The following LAMA1 variants were observed in gnomAD, a reference collection of about 807,000 sequenced individuals.
LAMA1 encodes the protein laminin subunit alpha-1.
LAMA1 carries 219 observed loss-of-function variants against 348.7 expected under a neutral mutation model. That is an observed-to-expected ratio of 0.63 (90% CI 0.56 to 0.70). The LOEUF is 0.70. LAMA1 is among the 30% of genes least tolerant of loss of function. The pLI, the probability that LAMA1 is intolerant of heterozygous loss-of-function variation, is 0.00. For missense variants in LAMA1, 3,744 were observed against 3,888.0 expected (o/e 0.96, Z 0.99); for synonymous variants, 1,487 against 1,491.0 (o/e 1.00, Z 0.06).
chr18:6,953,880 C>G (rs1378946908), intron 57 of LAMA1: 1 of 152,508 alleles, frequency 6.6e-6, no homozygotes, highest in Non-Finnish European at 1.5e-5. Context: ...CGGATGGGAT[C>G]CAGAGGACAA....
chr18:6,950,866 GCCCCCGTGCAGCT>G lies in LAMA1; in HGVS notation c.8300_8312del (p.Gln2767ProfsTer41). On this transcript the variant is annotated frameshift_variant, in exon 58 of 63. Coordinates refer to ENST00000389658, the MANE Select transcript of LAMA1 (RefSeq NM_005559.4). LOFTEE classifies it high-confidence loss of function. ...CAAGGTCAAACATGAAGTGGAGGCG[GCCCCCGTGCAGCT>G]GGAGCACAGCGTAGTCTGCTTGGTT... 1.2e-6 allele frequency: 2 copies of G among 1,614,136 alleles called. No individual in the cohort carries two copies. Among genetic ancestry groups the G allele is most frequent in the African/African-American group, 2.7e-5 (2 of 75,022 alleles).
intron 23 of LAMA1, among the ~76,000 whole-genome samples, chr18:7,012,961 A>G (rs2057868198): frequency 6.7e-6 from 1 of 148,520 alleles, no homozygotes; most frequent in African/African-American, 2.5e-5. Context: ...GGAGTTCGAG[A>G]CCAGCCTGGC....
chr18:7,063,980 A>G (rs916282233), intron 3 of LAMA1, among the ~76,000 whole-genome samples: 8 of 152,186 alleles, frequency 5.3e-5, no homozygotes, highest in African/African-American at 1.9e-4. Context: ...GTACACTTAA[A>G]AATGGTTAAA....
At chr18:7,000,819 G>A (rs545929203) in intron 30 of LAMA1, among the ~76,000 whole-genome samples, 9 of 152,188 alleles carry the variant, frequency 5.9e-5, no homozygotes, top group African/African-American at 1.9e-4. Flanking sequence ...TACCACTTCC[G>A]ACTCTTTTTC....
At chr18:7,059,801 T>C (rs989687726) in intron 3 of LAMA1, among the ~76,000 whole-genome samples, 6 of 152,182 alleles carry the variant, frequency 3.9e-5, no homozygotes, top group African/African-American at 1.4e-4. Flanking sequence ...GTTTTCTCTC[T>C]TGCATGAAGG....
At chr18:7,033,781 C>G (rs12604441) in intron 14 of LAMA1, among the ~76,000 whole-genome samples, 69,059 of 151,442 alleles carry the variant, frequency 0.46, 16,969 homozygotes, top group African/African-American at 0.65. Context: ...GCTGCCCCAG[C>G]TGGAGTGCAG....
At chr18:6,995,533 T>C (rs1428767301) in intron 33 of LAMA1, 87 bp from the exon 34 acceptor site, 3 of 784,938 alleles carry the variant, frequency 3.8e-6, no homozygotes, top group South Asian at 1.4e-5. Flanking sequence ...TTCTTTTTTG[T>C]TCACAGAAAG....
In LAMA1 at chr18:7,043,214, G is replaced by T; in HGVS notation, c.1155+13C>A. The T allele has an allele frequency of 6.2e-7, 1 of 1,613,874 alleles. No individual in the cohort carries two copies. ...GATGATGAAGATCAGCAATGGCAAA[G>T]AAATACTCTTACTTTGTGTGGTCTA... On this transcript the variant is annotated intron_variant, in intron 8 of 62. Coordinates refer to ENST00000389658, the MANE Select transcript of LAMA1 (RefSeq NM_005559.4).
chr18:6,996,851 T>C (rs143108298), intron 33 of LAMA1, among the ~76,000 whole-genome samples: 113 of 152,144 alleles, frequency 7.4e-4, no homozygotes, highest in African/African-American at 2.7e-3. Context: ...GTCTACTAAG[T>C]TAATTTCTTA....
Position 7,007,755 on chromosome 18 carries a change from A to G in LAMA1, c.4123-479T>C, listed in dbSNP as rs549458962. Among the ~76,000 whole-genome samples, 561 of 147,058 alleles carry G rather than the reference A, an allele frequency of 3.8e-3. 4 individuals carry two copies. The highest frequency in any genetic ancestry group is 0.024 in the South Asian group (111 of 4,664). On this transcript the variant is annotated intron_variant, in intron 28 of 62. Coordinates refer to ENST00000389658, the MANE Select transcript of LAMA1 (RefSeq NM_005559.4). ...CCCAAGTTTATTCACTGACAGATTA[A>G]CGAATAAGCAAAATGTGGCATGTAT...
intron 1 of LAMA1, among the ~76,000 whole-genome samples, chr18:7,106,927 C>T (rs114880629): frequency 5.3e-5 from 8 of 151,934 alleles, no homozygotes; most frequent in Non-Finnish European, 1.2e-4. Context: ...GAAGCTGACC[C>T]CGCACCTCCA....
At chr18:6,947,408 C>CCTGCTGGTGGGGATG in intron 60 of LAMA1, 112 bp from the exon 61 acceptor site, 1 of 1,241,148 alleles carries the variant, frequency 8.1e-7, no homozygotes, top group Non-Finnish European at 1.2e-6. Flanking sequence ...TCCTTTGGAT[C>CCTGCTGGTGGGGATG]CAGCTGCATC....
chr18:7,036,505 T>C (rs1033228786), intron 12 of LAMA1, among the ~76,000 whole-genome samples: 7 of 152,230 alleles, frequency 4.6e-5, no homozygotes, highest in African/African-American at 4.8e-5. Flanking sequence ...ATTTGCTAGT[T>C]AGAGAAAGGA....
chr18:7,050,595 A>T, intron 4 of LAMA1, 99 bp downstream of exon 4: 4 of 1,531,568 alleles, frequency 2.6e-6, no homozygotes, highest in Non-Finnish European at 2.7e-6. Flanking sequence ...CTAGATAGTT[A>T]TATTAAAGAT....
At chr18:7,111,218 A>T (rs75340497) in intron 1 of LAMA1, among the ~76,000 whole-genome samples, 2 of 149,188 alleles carry the variant, frequency 1.3e-5, no homozygotes, top group Admixed American at 6.7e-5. Context: ...ATGGTTGATT[A>T]AAAAAAAAAT....
At chr18:7,002,419 A>G (rs750017247) in intron 29 of LAMA1, 34 bp from the exon 30 acceptor site, 2 of 1,610,822 alleles carry the variant, frequency 1.2e-6, no homozygotes, top group South Asian at 2.2e-5. Flanking sequence ...GGGGGAAAAA[A>G]TGGGAAATTG....
At chr18:7,111,917 G>C (rs1285938482) in intron 1 of LAMA1, among the ~76,000 whole-genome samples, 1 of 152,018 alleles carries the variant, frequency 6.6e-6, no homozygotes, top group African/African-American at 2.4e-5. Context: ...TTCTTCATTA[G>C]AAATTTTTTT....
chr18:7,087,848 C>T (rs920785093), intron 1 of LAMA1, among the ~76,000 whole-genome samples: 6 of 152,172 alleles, frequency 3.9e-5, no homozygotes, highest in African/African-American at 1.4e-4. Flanking sequence ...GCACGGCACC[C>T]AGGCGTTTTT....
chr18:7,089,907 C>T (rs997072252), intron 1 of LAMA1, among the ~76,000 whole-genome samples: 4 of 152,114 alleles, frequency 2.6e-5, no homozygotes, highest in Non-Finnish European at 5.9e-5. Flanking sequence ...TCACTCAAAC[C>T]TTTTATTTCC....
Sources: gnomAD v4.1 joint callset for allele counts (sites outside exome capture counted in the v4.1 genomes callset) on GRCh38, gnomAD v4.1.1 for gene constraint, MANE v1.5 for transcripts, NCBI Gene and HGNC (gene_info 2026-07-23, HGNC 2026-07-21) for gene names.